Variants in PSMG2 observed in about 807,000 individuals in gnomAD.
The protein encoded by PSMG2 is CD40 ligand-activated specific transcript 3.
Under a neutral mutation model 31.5 loss-of-function variants are expected in PSMG2, and 21 were observed. That is an observed-to-expected ratio of 0.67 (90% confidence interval 0.47 to 0.96). The LOEUF (loss-of-function observed/expected upper bound fraction) is 0.96. Among genes scored for constraint, PSMG2 ranks in the 40% least tolerant of loss-of-function variants. PSMG2 has a pLI of 0.00. For synonymous variants in PSMG2, 120 were observed against 110.4 expected (o/e 1.09, Z -0.54); for missense variants, 318 against 321.2 (o/e 0.99, Z 0.08).
chr18:12,701,140 T>C (rs753422641), upstream of PSMG2: 1 of 1,582,828 alleles, frequency 6.3e-7, no homozygotes, highest in Admixed American at 1.8e-5. Context: ...TATTACAATT[T>C]ATAACATCAC....
intron 1 of PSMG2, among the ~76,000 whole-genome samples, chr18:12,690,959 C>T (rs2039738593): frequency 6.7e-6 from 1 of 148,534 alleles, no homozygotes; most frequent in African/African-American, 2.5e-5. Flanking sequence ...GTTCTGCACA[C>T]AAGAGCTGGA....
At chr18:12,717,522 C>T (rs1201819229) in intron 3 of PSMG2, among the ~76,000 whole-genome samples, 3 of 152,202 alleles carry the variant, frequency 2.0e-5, no homozygotes, top group Admixed American at 6.5e-5. Flanking sequence ...GCAATGGTCA[C>T]CCCTACATAC....
At chr18:12,707,911 C>T (rs1389769130) in intron 2 of PSMG2, among the ~76,000 whole-genome samples, 1 of 152,170 alleles carries the variant, frequency 6.6e-6, no homozygotes, top group Non-Finnish European at 1.5e-5. Context: ...GAACTTCCTA[C>T]AGGACAGATG....
At chr18:12,718,761 G>T (rs75162555) in intron 4 of PSMG2, 126 bp downstream of exon 4, 1 of 608,086 alleles carries the variant, frequency 1.6e-6, no homozygotes. Context: ...TAGAAAGAGG[G>T]GGGTAAGAGA....
At chr18:12,680,621 A>G in intron 1 of PSMG2, 4 of 1,301,756 alleles carry the variant, frequency 3.1e-6, no homozygotes, top group Non-Finnish European at 4.2e-6. Context: ...AAAAAAACTT[A>G]TAACTTCATT....
At chr18:12,716,704 T>C (rs1275441221) in intron 3 of PSMG2, among the ~76,000 whole-genome samples, 1 of 152,038 alleles carries the variant, frequency 6.6e-6, no homozygotes. Flanking sequence ...ACAAGACTAA[T>C]TTCAAAATAG....
At chr18:12,698,979 C>T, upstream of PSMG2, 1 of 1,593,608 alleles carries the variant, frequency 6.3e-7, no homozygotes, top group Non-Finnish European at 8.6e-7. Flanking sequence ...TGTTTCTTAC[C>T]CAAGCTTTCT....
At chr18:12,719,906 G>A (rs1352769692) in intron 4 of PSMG2, among the ~76,000 whole-genome samples, 1 of 150,406 alleles carries the variant, frequency 6.6e-6, no homozygotes, top group African/African-American at 2.5e-5. Flanking sequence ...TGTGTTTTTA[G>A]TAGAGACAGG....
intron 1 of PSMG2, among the ~76,000 whole-genome samples, chr18:12,661,089 C>T (rs2038687644): frequency 6.6e-6 from 1 of 152,138 alleles, no homozygotes; most frequent in Admixed American, 6.5e-5. Context: ...GGGCAGATCA[C>T]CTGAGGTCAG....
intron 1 of PSMG2, among the ~76,000 whole-genome samples, chr18:12,666,125 T>G (rs2144949298): frequency 6.8e-6 from 1 of 147,104 alleles, no homozygotes; most frequent in Non-Finnish European, 1.5e-5. Flanking sequence ...AAGACCAGAC[T>G]GAGCAACATA....
upstream of PSMG2, chr18:12,699,121 C>G: frequency 1.2e-6 from 2 of 1,614,120 alleles, no homozygotes; most frequent in Non-Finnish European, 1.7e-6. Context: ...CAGGTAAAGG[C>G]TCAGGTTCTT....
intron 3 of PSMG2, among the ~76,000 whole-genome samples, chr18:12,714,244 CA>C (rs938344399): frequency 6.6e-6 from 1 of 152,166 alleles, no homozygotes; most frequent in Non-Finnish European, 1.5e-5. Context: ...GCCCCATATG[CA>C]AAAAGCCAGC....
chr18:12,667,760 CAAAA>C (rs67167827), intron 1 of PSMG2, among the ~76,000 whole-genome samples: 1,206 of 89,930 alleles, frequency 0.013, 22 homozygotes, highest in African/African-American at 0.053. Flanking sequence ...GACTCTTTCT[CAAAA>C]AAAAAAAAAA....
chr18:12,684,662 C>T (rs2039475463), intron 1 of PSMG2: 1 of 151,538 alleles, frequency 6.6e-6, no homozygotes, highest in African/African-American at 2.4e-5. Flanking sequence ...TGTATTTTTT[C>T]AGTAGAGATG....
chr18:12,706,273 G>A (rs942412793), intron 1 of PSMG2, among the ~76,000 whole-genome samples: 3 of 152,154 alleles, frequency 2.0e-5, no homozygotes, highest in Admixed American at 6.5e-5. Context: ...GATCACCTGA[G>A]GTCAGGAGTT....
At chr18:12,713,940 G>A (rs1177707939) in intron 3 of PSMG2, among the ~76,000 whole-genome samples, 1 of 152,058 alleles carries the variant, frequency 6.6e-6, no homozygotes, top group East Asian at 1.9e-4. Flanking sequence ...TAGTAGAGAC[G>A]GGGTTTTGCC....
At chr18:12,721,705 T>C (rs532548046) in intron 5 of PSMG2, among the ~76,000 whole-genome samples, 2 of 152,114 alleles carry the variant, frequency 1.3e-5, no homozygotes, top group East Asian at 3.9e-4. Flanking sequence ...TGTTTTTCTA[T>C]TCTCTATTAT....
intron 1 of PSMG2, 36 bp downstream of exon 1, chr18:12,703,200 C>A: frequency 6.3e-7 from 1 of 1,580,620 alleles, no homozygotes. Flanking sequence ...TGCCGCCTCC[C>A]GAGGCCCCTG....
chr18:12,722,133 A>G lies in PSMG2; in HGVS notation c.581+1450A>G, dbSNP rs28379733. ...CTCCACCTCTTCTATACTTTGTTGCACTTACTTTACCAATCAATCCTCCTA... is the reference window on the plus strand; with the variant it reads ...CTCCACCTCTTCTATACTTTGTTGCGCTTACTTTACCAATCAATCCTCCTA... On this transcript the variant is annotated intron_variant, in intron 5 of 6. Transcript: ENST00000317615. Among the ~76,000 whole-genome samples the G allele has an allele frequency of 9.1e-3, 1,379 of 152,228 alleles. 24 individuals are homozygous for G. The highest frequency in any genetic ancestry group is 0.032 in the African/African-American group (1,319 of 41,528).
Sources: allele counts gnomAD v4.1 joint callset (sites outside exome capture counted in the v4.1 genomes callset), GRCh38; gene constraint gnomAD v4.1.1; transcripts MANE v1.5; gene names NCBI Gene and HGNC (gene_info 2026-07-23, HGNC 2026-07-21).